TAFA2: variants seen among roughly 807,000 people sequenced by gnomAD.
The protein encoded by TAFA2 is chemokine-like protein TAFA-2.
TAFA2 carries 7 observed loss-of-function variants against 18.8 expected under a neutral mutation model. The ratio of observed to expected loss-of-function variants is 0.37; its 90% CI spans 0.21 to 0.70. TAFA2 has a LOEUF of 0.70. Among genes scored for constraint, TAFA2 ranks in the 30% least tolerant of loss-of-function variants. The probability of loss-of-function intolerance (pLI) is 0.53; values close to 1 mark genes in which losing one functional copy is unlikely to be tolerated. For synonymous variants in TAFA2, 60 were observed against 54.2 expected (o/e 1.11, Z -0.47); for missense variants, 122 against 158.1 (o/e 0.77, Z 1.23).
intron 4 of TAFA2, among the ~76,000 whole-genome samples, chr12:61,711,197 T>C (rs1869391915): frequency 6.6e-6 from 1 of 151,498 alleles, no homozygotes; most frequent in Admixed American, 6.6e-5. Context: ...CATATATACA[T>C]ACATATCTAC....
chr12:61,850,674 A>T (rs1439384191), intron 2 of TAFA2, among the ~76,000 whole-genome samples: 4 of 152,068 alleles, frequency 2.6e-5, no homozygotes, highest in Non-Finnish European at 5.9e-5. Context: ...TTTATTTTTT[A>T]AAATTCTTGA....
intron 1 of TAFA2, among the ~76,000 whole-genome samples, chr12:61,968,424 A>C (rs1313036043): frequency 6.6e-6 from 1 of 151,762 alleles, no homozygotes; most frequent in Non-Finnish European, 1.5e-5. Flanking sequence ...CATTGTACTT[A>C]AGAATGTGCA....
At chr12:61,905,765 C>A (rs991727461) in intron 1 of TAFA2, among the ~76,000 whole-genome samples, 1 of 152,162 alleles carries the variant, frequency 6.6e-6, no homozygotes, top group East Asian at 1.9e-4. Context: ...CTTTTTCATA[C>A]ACAGGAGAAA....
intron 1 of TAFA2, among the ~76,000 whole-genome samples, chr12:61,878,598 T>C (rs181096732): frequency 2.0e-5 from 3 of 152,272 alleles, no homozygotes; most frequent in South Asian, 2.1e-4. Flanking sequence ...TAAATATTTG[T>C]TGAATAAATA....
At chr12:61,889,227 T>A (rs767335007) in intron 1 of TAFA2, among the ~76,000 whole-genome samples, 1 of 152,218 alleles carries the variant, frequency 6.6e-6, no homozygotes, top group African/African-American at 2.4e-5. Flanking sequence ...GGAACCAAGT[T>A]AAAGAATGTC....
chr12:61,720,889 T>G (rs574900035), intron 4 of TAFA2: 3 of 517,216 alleles, frequency 5.8e-6, no homozygotes, highest in African/African-American at 5.8e-5. Context: ...CTCTTTCTAC[T>G]TCTCCATTCG....
chr12:62,219,272 AATT>A (rs1216599195), intron 1 of TAFA2, among the ~76,000 whole-genome samples: 1 of 152,136 alleles, frequency 6.6e-6, no homozygotes, highest in African/African-American at 2.4e-5. Context: ...AGAGATGAAA[AATT>A]AGCTTCGGTT....
chr12:62,114,459 A>C (rs1327446795), intron 1 of TAFA2, among the ~76,000 whole-genome samples: 2 of 152,232 alleles, frequency 1.3e-5, no homozygotes, highest in African/African-American at 4.8e-5. Flanking sequence ...AGGTCCCCTC[A>C]TAAAACTTTT....
intron 1 of TAFA2, among the ~76,000 whole-genome samples, chr12:61,919,478 T>A (rs921350508): frequency 6.6e-6 from 1 of 152,134 alleles, no homozygotes; most frequent in Non-Finnish European, 1.5e-5. Context: ...ATTGGGAAAT[T>A]AGTCAATTTA....
At chr12:62,168,264 G>C (rs1047445283) in intron 1 of TAFA2, among the ~76,000 whole-genome samples, 1 of 152,164 alleles carries the variant, frequency 6.6e-6, no homozygotes, top group Non-Finnish European at 1.5e-5. Flanking sequence ...TTTAGGAACT[G>C]AGCATTAGTG....
intron 2 of TAFA2, among the ~76,000 whole-genome samples, chr12:61,842,299 G>A (rs1400375302): frequency 6.6e-6 from 1 of 151,950 alleles, no homozygotes. Context: ...TATTAGGAAG[G>A]TCAAATGGCT....
intron 1 of TAFA2, among the ~76,000 whole-genome samples, chr12:61,991,025 G>C (rs1445713146): frequency 6.6e-6 from 1 of 152,190 alleles, no homozygotes; most frequent in Non-Finnish European, 1.5e-5. Context: ...GGGGCTAAAA[G>C]TAAGTTACAA....
Position 62,075,362 on chromosome 12 carries a change from G to A in TAFA2, c.-2+115897C>T, listed in dbSNP as rs572042630. Among the ~76,000 whole-genome samples, 17 of 152,274 alleles carry A rather than the reference G, an allele frequency of 1.1e-4. 1 individual carries two copies. The highest frequency in any genetic ancestry group is 3.4e-4 in the African/African-American group (14 of 41,562). On this transcript the variant is annotated intron_variant, in intron 1 of 4. Coordinates refer to ENST00000416284, the MANE Select transcript of TAFA2 (RefSeq NM_178539.5). ...TAGGACACAGATGCTAAGCTAGAGG[G>A]CATACATCCCCAGGCTCTTTTGCAG... is the stretch of plus-strand genomic sequence containing the variant.
intron 1 of TAFA2, among the ~76,000 whole-genome samples, chr12:61,940,412 G>A (rs1311853948): frequency 1.3e-5 from 2 of 152,206 alleles, no homozygotes; most frequent in African/African-American, 2.4e-5. Context: ...GGCCATCAGG[G>A]CTTCAACATG....
intron 2 of TAFA2, among the ~76,000 whole-genome samples, chr12:61,852,719 G>A (rs1016374752): frequency 6.6e-6 from 1 of 152,068 alleles, no homozygotes; most frequent in African/African-American, 2.4e-5. Flanking sequence ...ATTCCAACAG[G>A]ATATACACGA....
At chr12:62,046,872 T>C (rs1881922520) in intron 1 of TAFA2, among the ~76,000 whole-genome samples, 3 of 152,138 alleles carry the variant, frequency 2.0e-5, no homozygotes, top group Admixed American at 2.0e-4. Flanking sequence ...TTGCAAAATT[T>C]TAAAGTATAC....
At chr12:62,104,505 T>C (rs543618521) in intron 1 of TAFA2, among the ~76,000 whole-genome samples, 1 of 152,240 alleles carries the variant, frequency 6.6e-6, no homozygotes, top group African/African-American at 2.4e-5. Flanking sequence ...AGAAATCTTA[T>C]CCATAAAAGT....
At chr12:61,831,819 T>C (rs1872731172) in intron 2 of TAFA2, among the ~76,000 whole-genome samples, 1 of 152,064 alleles carries the variant, frequency 6.6e-6, no homozygotes, top group East Asian at 1.9e-4. Flanking sequence ...TCGTTTACAT[T>C]AGGTATATCT....
intron 1 of TAFA2, among the ~76,000 whole-genome samples, chr12:62,212,178 T>C (rs1258618929): frequency 1.3e-5 from 2 of 152,210 alleles, no homozygotes; most frequent in Non-Finnish European, 2.9e-5. Flanking sequence ...ATAGTCACCA[T>C]TAGCTAACAG....
Sources: gnomAD v4.1 joint callset for allele counts (sites outside exome capture counted in the v4.1 genomes callset) on GRCh38, gnomAD v4.1.1 for gene constraint, MANE v1.5 for transcripts, NCBI Gene and HGNC (gene_info 2026-07-23, HGNC 2026-07-21) for gene names.